The following ABCA7 variants were observed in gnomAD, a reference collection of about 807,000 sequenced individuals.
The protein encoded by ABCA7 is ATP binding cassette subfamily A member 7, also known as phospholipid-transporting ATPase ABCA7.
Under a neutral mutation model 227.6 loss-of-function variants are expected in ABCA7, and 261 were observed. The ratio of observed to expected loss-of-function variants is 1.15; its 90% CI spans 1.04 to 1.27. ABCA7 has a LOEUF of 1.27. Ranked by LOEUF, ABCA7 falls within the 50% of genes most tolerant of loss-of-function variation. The pLI, the probability that ABCA7 is intolerant of heterozygous loss-of-function variation, is 0.00. For synonymous variants in ABCA7, 1,488 were observed against 1,279.7 expected (o/e 1.16, Z -3.47); for missense variants, 3,331 against 2,924.5 (o/e 1.14, Z -3.21).
intron 16 of ABCA7, among the ~76,000 whole-genome samples, chr19:1,048,279 T>G (rs1372604787): frequency 6.6e-5 from 9 of 135,796 alleles, no homozygotes; most frequent in Non-Finnish European, 1.4e-4. Flanking sequence ...GGGCGGGTCA[T>G]CTGAGGTCGG....
chr19:1,054,513 G>A lies in ABCA7; in HGVS notation c.3727-57G>A. 1 of 1,587,258 alleles carries A rather than the reference G, an allele frequency of 6.3e-7. No individual in the cohort carries two copies. The highest frequency in any genetic ancestry group is 8.6e-7 in the Non-Finnish European group (1 of 1,164,672). ...TGGTTGTAGAGCAGGAGCAGGGACA[G>A]GTGCAAGCAAGCCTGGAGGGTGGAT... On this transcript the variant is annotated intron_variant, in intron 27 of 46. Coordinates refer to ENST00000263094, the MANE Select transcript of ABCA7 (RefSeq NM_019112.4). The surrounding 1 kb of genome is among the most constrained non-coding windows in gnomAD (Gnocchi z 4.8).
rs905414433 is a variant in ABCA7, at chr19:1,048,884, C to A, written c.2270-11C>A. 3 of 1,568,328 alleles carry A rather than the reference C, an allele frequency of 1.9e-6. No homozygotes were observed. The highest frequency in any genetic ancestry group is 2.3e-5 in the East Asian group (1 of 44,122). On this transcript the variant is annotated splice_polypyrimidine_tract_variant and intron_variant, in intron 16 of 46. Transcript: ENST00000263094. ...GGTGGGCTAAGCAATAACCCGCGCC[C>A]CTCCCCGCAGGCCAGTACGGGATCC...
Position 1,063,802 on chromosome 19 carries a change from C to T in ABCA7, c.5890C>T (p.Leu1964Phe), listed in dbSNP as rs1403298739. The change falls in exon 44 of 47, where the codon CTT (leucine) becomes TTT (phenylalanine). Residue 1964 changes from leucine to phenylalanine, a missense_variant. By Grantham distance (22) the Leu-to-Phe change is conservative. Transcript: ENST00000263094. ...CATGGACCCCAGCGCGCGGCGCTTC[C>T]TTTGGAACAGCCTTTTGGCCGTGGT... The part of the protein sequence containing the change: ...TGMDPSARRF[L>F]WNSLLAVVRE... 6.5e-7 allele frequency: 1 copy of T among 1,546,532 alleles called. No individual in the cohort carries two copies. Among genetic ancestry groups the T allele is most frequent in the South Asian group, 1.2e-5 (1 of 84,178 alleles).
chr19:1,055,499 CTTTTTTT>C (rs397709972), intron 30 of ABCA7, 148 bp downstream of exon 30: 52 of 428,044 alleles, frequency 1.2e-4, no homozygotes, highest in Admixed American at 3.0e-4. Context: ...TTCCTTTCCT[CTTTTTTT>C]TTTTTTTTTT....
rs756713747 is a variant in ABCA7, at chr19:1,043,328, T to G, written c.791-6T>G. 3.1e-6 allele frequency: 5 copies of G among 1,612,734 alleles called. No individual in the cohort carries two copies. The African/African-American group carries it at 6.7e-5, about 22-fold the overall frequency. ...GGGGCAGGGCCTCATGGCACCCCCATCCCAGGCCCCGCCTGCTCGGAGCTG... is the reference window on the plus strand; with the variant it reads ...GGGGCAGGGCCTCATGGCACCCCCAGCCCAGGCCCCGCCTGCTCGGAGCTG... On this transcript the variant is annotated splice_region_variant and splice_polypyrimidine_tract_variant and intron_variant, in intron 8 of 46. Transcript: ENST00000263094.
At position 1,054,742 on chromosome 19, in the gene ABCA7, G is replaced by A. The variant is rs1280108602; in HGVS notation, c.3852-38G>A. On this transcript the variant is annotated intron_variant, in intron 28 of 46. Transcript: ENST00000263094. The surrounding 1 kb of genome is among the most constrained non-coding windows in gnomAD (Gnocchi z 4.8). ...GGTGGCAGGAAGACTAGGGACCTGG[G>A]GGTACAGCCCTGACCCTACATCTCC... is the stretch of plus-strand genomic sequence containing the variant. 6 of 1,607,280 alleles carry A rather than the reference G, an allele frequency of 3.7e-6. No individual in the cohort carries two copies. The highest frequency in any genetic ancestry group is 5.1e-6 in the Non-Finnish European group (6 of 1,175,402).
At position 1,062,314 on chromosome 19, in the gene ABCA7, G is replaced by A. The variant is rs917456089; in HGVS notation, c.5712+1G>A. 1.9e-6 allele frequency: 3 copies of A among 1,602,202 alleles called. No homozygotes were observed. The highest frequency in any genetic ancestry group is 1.7e-6 in the Non-Finnish European group (2 of 1,179,296). ...TGTCCCGGAGGCCCAGGTTGCCCAG[G>A]TGAGCCCACTTTGTCCCCACCGCTC... On this transcript the variant is annotated splice_donor_variant, in intron 42 of 46. Coordinates refer to ENST00000263094, the MANE Select transcript of ABCA7 (RefSeq NM_019112.4). LOFTEE classifies it high-confidence loss of function.
At chr19:1,061,720 T>TAAAA in intron 40 of ABCA7, 62 bp from the exon 41 acceptor site, 15 of 967,054 alleles carry the variant, frequency 1.6e-5, no homozygotes, top group Non-Finnish European at 2.0e-5. Context: ...AAAAAAGAAA[T>TAAAA]CAGAGATGCC....
intron 10 of ABCA7, 60 bp from the exon 11 acceptor site, chr19:1,044,517 G>A (rs999965193): frequency 1.9e-6 from 3 of 1,564,488 alleles, no homozygotes; most frequent in Non-Finnish European, 1.7e-6. Flanking sequence ...AAAGTGCTGG[G>A]ATTACAGGCA....
At chr19:1,045,470 G>A (rs1187391645) in intron 12 of ABCA7, 1 of 551,946 alleles carries the variant, frequency 1.8e-6, no homozygotes, top group African/African-American at 1.9e-5. Context: ...GCAGGTATAG[G>A]TTGAGGGCAA....
chr19:1,040,890 A>G (rs559704903), intron 1 of ABCA7, among the ~76,000 whole-genome samples: 9 of 152,138 alleles, frequency 5.9e-5, no homozygotes, highest in African/African-American at 2.2e-4. Flanking sequence ...CAGCACTGCC[A>G]ATATTCGTTG....
Position 1,044,563 on chromosome 19 carries a change from C to A in ABCA7, c.1048-14C>A. 6.2e-7 allele frequency: 1 copy of A among 1,607,798 alleles called. No homozygotes were observed. Among genetic ancestry groups the A allele is most frequent in the Admixed American group, 1.7e-5 (1 of 59,606 alleles). Reference sequence around the variant, plus strand: ...TGCCCGACCCAGACTCTCACTTTCACCTGCGCCCCCCAGCGGCTCCTGCAG... The same window carrying A: ...TGCCCGACCCAGACTCTCACTTTCAACTGCGCCCCCCAGCGGCTCCTGCAG... On this transcript the variant is annotated splice_polypyrimidine_tract_variant and intron_variant, in intron 10 of 46. Transcript: ENST00000263094.
At chr19:1,062,942 A>C (rs1214880510) in intron 42 of ABCA7, among the ~76,000 whole-genome samples, 1 of 120,216 alleles carries the variant, frequency 8.3e-6, no homozygotes, top group Non-Finnish European at 1.7e-5. Flanking sequence ...CTCCACCCAC[A>C]CCATGGCCCC....
chr19:1,064,714 C>G, intron 45 of ABCA7: 2 of 751,444 alleles, frequency 2.7e-6, no homozygotes, highest in East Asian at 6.3e-5. Context: ...GACCCCATCT[C>G]TATAAAAAAT....
chr19:1,054,111 G>A lies in ABCA7; in HGVS notation c.3577+1G>A. ...ACAGCGCTGGAGAACGGGGAACCAGGTAAGTCCTTCCCAGTGGCCCTGGGG... is the reference window on the plus strand; with the variant it reads ...ACAGCGCTGGAGAACGGGGAACCAGATAAGTCCTTCCCAGTGGCCCTGGGG... On this transcript the variant is annotated splice_donor_variant, in intron 26 of 46. Coordinates refer to ENST00000263094, the MANE Select transcript of ABCA7 (RefSeq NM_019112.4). LOFTEE classifies it high-confidence loss of function. This position sits in a 1 kb window ranked among gnomAD's most constrained non-coding sequence, Gnocchi z 4.8. The A allele has an allele frequency of 2.5e-6, 4 of 1,613,192 alleles. No homozygotes were observed. Among genetic ancestry groups the A allele is most frequent in the Non-Finnish European group, 3.4e-6 (4 of 1,179,942 alleles).
intron 20 of ABCA7, 76 bp from the exon 21 acceptor site, chr19:1,051,373 C>G (rs939663480): frequency 3.4e-5 from 24 of 714,188 alleles, no homozygotes; most frequent in Non-Finnish European, 4.9e-5. Flanking sequence ...AAGCCGGGTA[C>G]TGAGGTCCAC....
chr19:1,045,060 C>A lies in ABCA7; in HGVS notation c.1274C>A (p.Ala425Asp). ...TCAGAGGCAGCCCTGGTGTCGCGGG[C>A]CCTGCAACTGCTCGCGGAACATCGA... ...APSEAALVSRALQLLAEHRFW... is the reference protein window; with the variant it reads ...APSEAALVSRDLQLLAEHRFW... The change falls in exon 12 of 47, where the codon GCC becomes GAC. Residue 425 changes from alanine to aspartate, a missense_variant. By Grantham distance (126) the Ala-to-Asp change is moderately radical (BLOSUM62 -2). Transcript: ENST00000263094. 1.2e-6 allele frequency: 2 copies of A among 1,612,880 alleles called. No homozygotes were observed.
chr19:1,057,213 C>G, intron 34 of ABCA7, 101 bp from the exon 35 acceptor site: 1 of 1,554,054 alleles, frequency 6.4e-7, no homozygotes, highest in Non-Finnish European at 8.8e-7. Context: ...GACTTTGTGC[C>G]TTCCTACTCA....
intron 16 of ABCA7, 73 bp from the exon 17 acceptor site, chr19:1,048,822 A>C (rs897478323): frequency 2.1e-5 from 17 of 823,330 alleles, no homozygotes; most frequent in Non-Finnish European, 2.8e-5. Flanking sequence ...AAAAAAAAAA[A>C]ACAAAACCCC....
Sources: gnomAD v4.1 joint callset for allele counts (sites outside exome capture counted in the v4.1 genomes callset) on GRCh38, gnomAD v4.1.1 for gene constraint, Gnocchi (gnomAD v3.1) non-coding constraint, MANE v1.5 for transcripts, NCBI Gene and HGNC (gene_info 2026-07-23, HGNC 2026-07-21) for gene names.